Variants in NCOA1 observed in about 807,000 individuals in gnomAD.
NCOA1 encodes the protein Hin-2 protein.
NCOA1 carries 35 observed loss-of-function variants against 150.9 expected under a neutral mutation model. The ratio of observed to expected loss-of-function variants is 0.23; its 90% CI spans 0.18 to 0.31. NCOA1 has a LOEUF of 0.31. Ranked by LOEUF, NCOA1 falls within the 10% of genes least tolerant of loss-of-function variation. NCOA1 has a pLI of 1.00. For missense variants in NCOA1, 1,491 were observed against 1,749.3 expected (o/e 0.85, Z 2.63); for synonymous variants, 590 against 630.0 (o/e 0.94, Z 0.95).
At chr2:24,569,784 C>T (rs1157808232) in intron 2 of NCOA1, among the ~76,000 whole-genome samples, 4 of 149,498 alleles carry the variant, frequency 2.7e-5, no homozygotes, top group South Asian at 2.1e-4. Flanking sequence ...GCAGGAGAAT[C>T]GCTTGAACCC....
chr2:24,556,428 A>G (rs932941814), intron 1 of NCOA1, among the ~76,000 whole-genome samples: 1 of 152,158 alleles, frequency 6.6e-6, no homozygotes. Flanking sequence ...CATCTTTGCT[A>G]TTGTGAATAA....
intron 4 of NCOA1, among the ~76,000 whole-genome samples, chr2:24,655,855 G>A (rs898024582): frequency 2.0e-5 from 3 of 152,042 alleles, no homozygotes; most frequent in Admixed American, 6.6e-5. Flanking sequence ...TTGGGAGGCC[G>A]AGGTGGGCAG....
At chr2:24,622,373 T>A (rs1394088285) in intron 3 of NCOA1, among the ~76,000 whole-genome samples, 1 of 152,204 alleles carries the variant, frequency 6.6e-6, no homozygotes, top group Non-Finnish European at 1.5e-5. Context: ...TCTGTAGCAC[T>A]CTCCACCCTG....
chr2:24,521,226 A>G (rs1273301678), intron 1 of NCOA1, among the ~76,000 whole-genome samples: 2 of 152,206 alleles, frequency 1.3e-5, no homozygotes, highest in African/African-American at 2.4e-5. Context: ...GCTGATCAGC[A>G]TATCGGTCAC....
chr2:24,570,863 T>C (rs1451395682), intron 2 of NCOA1, among the ~76,000 whole-genome samples: 3 of 152,136 alleles, frequency 2.0e-5, no homozygotes, highest in Non-Finnish European at 4.4e-5. Context: ...GAGCAAATTG[T>C]AGGGAGAAAA....
chr2:24,642,335 A>ATT (rs1491475105), intron 3 of NCOA1, among the ~76,000 whole-genome samples: 2 of 144,832 alleles, frequency 1.4e-5, no homozygotes, highest in South Asian at 2.1e-4. Flanking sequence ...ATATATATAT[A>ATT]TTTTTTAAAA....
chr2:24,719,464 A>G (rs1219151678), intron 14 of NCOA1, among the ~76,000 whole-genome samples: 1 of 152,226 alleles, frequency 6.6e-6, no homozygotes, highest in Admixed American at 6.5e-5. Flanking sequence ...ACATCAATGA[A>G]GTTTAGTTTA....
intron 22 of NCOA1, among the ~76,000 whole-genome samples, chr2:24,764,649 A>G (rs1025947280): frequency 6.6e-6 from 1 of 152,226 alleles, no homozygotes; most frequent in African/African-American, 2.4e-5. Flanking sequence ...TATTCATAGG[A>G]ATTAAAATTG....
chr2:24,676,426 C>A (rs1283997512), intron 7 of NCOA1: 1 of 152,272 alleles, frequency 6.6e-6, no homozygotes, highest in African/African-American at 2.4e-5. Context: ...CAGCTGAACC[C>A]AACTTATACC....
intron 3 of NCOA1, among the ~76,000 whole-genome samples, chr2:24,611,547 A>G (rs995958473): frequency 1.2e-4 from 18 of 152,172 alleles, no homozygotes; most frequent in African/African-American, 3.4e-4. Flanking sequence ...GGGTGAAGTA[A>G]TTTACATTCC....
chr2:24,635,037 T>C (rs1342740616), intron 3 of NCOA1, among the ~76,000 whole-genome samples: 2 of 152,112 alleles, frequency 1.3e-5, no homozygotes, highest in East Asian at 3.9e-4. Flanking sequence ...ACTTTCAAAA[T>C]ACTGAACTCT....
At chr2:24,686,444 T>C (rs1469567035) in intron 8 of NCOA1, among the ~76,000 whole-genome samples, 1 of 152,212 alleles carries the variant, frequency 6.6e-6, no homozygotes, top group Non-Finnish European at 1.5e-5. Flanking sequence ...TAAAGAGGAA[T>C]CATATGGTGA....
chr2:24,613,207 G>T (rs1668709735), intron 3 of NCOA1, among the ~76,000 whole-genome samples: 1 of 152,026 alleles, frequency 6.6e-6, no homozygotes, highest in East Asian at 1.9e-4. Flanking sequence ...TTTTATATTG[G>T]GCTGTAGGGT....
chr2:24,520,991 T>G (rs1245643809), intron 1 of NCOA1, among the ~76,000 whole-genome samples: 1 of 151,808 alleles, frequency 6.6e-6, no homozygotes, highest in African/African-American at 2.4e-5. Context: ...TTTTTTGACC[T>G]CCCTGCTTTT....
intron 5 of NCOA1, among the ~76,000 whole-genome samples, chr2:24,662,485 C>T (rs1293927024): frequency 6.6e-6 from 1 of 152,136 alleles, no homozygotes; most frequent in South Asian, 2.1e-4. Context: ...AGGGAGCTTA[C>T]AAATCTGGTC....
At chr2:24,604,751 T>TC (rs571913142) in intron 3 of NCOA1, among the ~76,000 whole-genome samples, 59 of 152,354 alleles carry the variant, frequency 3.9e-4, no homozygotes, top group African/African-American at 1.4e-3. Context: ...TGTTTTGCTA[T>TC]CTTATCATTT....
At chr2:24,677,622 C>T (rs1671978318) in intron 7 of NCOA1, among the ~76,000 whole-genome samples, 2 of 152,102 alleles carry the variant, frequency 1.3e-5, no homozygotes, top group African/African-American at 4.8e-5. Context: ...TGGGGTTTCG[C>T]CATGTTGGCC....
chr2:24,607,192 T>G (rs1668407727), intron 3 of NCOA1, among the ~76,000 whole-genome samples: 1 of 151,564 alleles, frequency 6.6e-6, no homozygotes, highest in Admixed American at 6.6e-5. Context: ...GTACTGTGTT[T>G]TTTTTTTTTT....
intron 3 of NCOA1, among the ~76,000 whole-genome samples, chr2:24,625,999 A>G (rs1030730112): frequency 6.6e-6 from 1 of 152,202 alleles, no homozygotes; most frequent in African/African-American, 2.4e-5. Flanking sequence ...ATAGTGTTCT[A>G]AAAATGTCAC....
Sources: allele counts gnomAD v4.1 joint callset (sites outside exome capture counted in the v4.1 genomes callset), GRCh38; gene constraint gnomAD v4.1.1; transcripts MANE v1.5; gene names NCBI Gene and HGNC (gene_info 2026-07-23, HGNC 2026-07-21).